Variants in ZBTB42 observed in about 807,000 individuals in gnomAD.
The protein encoded by ZBTB42 is zinc finger and BTB domain containing 42.
A neutral mutation model predicts 4.7 loss-of-function variants in ZBTB42; 3 were observed. The observed-to-expected ratio is 0.64, with a 90% CI of 0.29 to 1.66. ZBTB42 has a LOEUF of 1.66. Ranked by LOEUF, ZBTB42 falls within the 40% of genes most tolerant of loss-of-function variation. The probability of loss-of-function intolerance (pLI) is 0.10; values close to 1 mark genes in which losing one functional copy is unlikely to be tolerated. For synonymous variants in ZBTB42, 255 were observed against 259.5 expected (o/e 0.98, Z 0.17); for missense variants, 521 against 577.1 (o/e 0.90, Z 1.00).
chr14:104,802,319 C>G lies in ZBTB42; in HGVS notation c.1122C>G (p.Ser374=). The change falls in exon 1 of 1, where the codon TCC becomes TCG. Residue 374 remains serine, a synonymous_variant. Transcript: ENST00000342537. This position sits in a 1 kb window ranked among gnomAD's most constrained non-coding sequence, Gnocchi z 5.9. ...AGTGTGGCAAAAGTTTTCAGTACTC[C>G]CACAACCTGAGCCGGCACACCGTAG... ...CVQCGKSFQY[S]HNLSRHTVVH... 6.4e-7 allele frequency: 1 copy of G among 1,550,474 alleles called. No individual in the cohort carries two copies. The highest frequency in any genetic ancestry group is 8.7e-7 in the Non-Finnish European group (1 of 1,146,984).
chr14:104,802,167 C>G lies in ZBTB42; in HGVS notation c.970C>G (p.Arg324Gly). ...SAHFRERDST[R>G]ARLSPDGVAP... Reference sequence around the variant, plus strand: ...CCACTTCCGTGAGCGAGACAGCACCCGGGCCCGGCTCTCACCCGACGGCGT... The same window carrying G: ...CCACTTCCGTGAGCGAGACAGCACCGGGGCCCGGCTCTCACCCGACGGCGT... The change falls in exon 1 of 1, where the codon CGG becomes GGG. Residue 324 changes from arginine to glycine, a missense_variant. Transcript: ENST00000342537. This position sits in a 1 kb window ranked among gnomAD's most constrained non-coding sequence, Gnocchi z 5.9. 6.5e-7 allele frequency: 1 copy of G among 1,548,328 alleles called. No individual in the cohort carries two copies.
upstream of ZBTB42, chr14:104,800,724 G>C (rs1326799304): frequency 1.4e-5 from 2 of 145,970 alleles, no homozygotes; most frequent in Non-Finnish European, 3.0e-5. This position sits in a 1 kb window ranked among gnomAD's most constrained non-coding sequence, Gnocchi z 5.3. Context: ...GTGGGCTCCC[G>C]GCTCTGCCCG....
chr14:104,802,281 T>C lies in ZBTB42; in HGVS notation c.1084T>C (p.Tyr362His), dbSNP rs1043403750. The C allele has an allele frequency of 1.3e-6, 2 of 1,550,410 alleles. No individual in the cohort carries two copies. The highest frequency in any genetic ancestry group is 2.0e-5 in the Admixed American group (1 of 51,010). Residue 362 changes from tyrosine to histidine, a missense_variant, in exon 1 of 1, where the codon TAT becomes CAT. Coordinates refer to ENST00000342537, the MANE Select transcript of ZBTB42 (RefSeq NM_001137601.3). The surrounding 1 kb of genome is among the most constrained non-coding windows in gnomAD (Gnocchi z 5.9). ...GCGGACACACTCGGGTGAGAAGCCC[T>C]ATACGTGTGTGCAGTGTGGCAAAAG... Reference protein sequence around the residue: ...HERTHSGEKPYTCVQCGKSFQ... With the variant: ...HERTHSGEKPHTCVQCGKSFQ...
chr14:104,801,229 T>C lies in ZBTB42; in HGVS notation c.32T>C (p.Leu11Pro). MEFPEHGGRL[L>P]GRLRQQRELG... Reference sequence around the variant, plus strand: ...TTCCCTGAGCACGGCGGACGGCTGCTGGGCCGCCTGAGACAGCAGCGCGAG... The same window carrying C: ...TTCCCTGAGCACGGCGGACGGCTGCCGGGCCGCCTGAGACAGCAGCGCGAG... The change falls in exon 1 of 1, where the codon CTG becomes CCG. Residue 11 changes from leucine to proline, a missense_variant. Physicochemically the swap from Leu to Pro is moderately conservative, Grantham distance 98 (BLOSUM62 -3). Coordinates refer to ENST00000342537, the MANE Select transcript of ZBTB42 (RefSeq NM_001137601.3). The surrounding 1 kb of genome is among the most constrained non-coding windows in gnomAD (Gnocchi z 4.4). 1 of 1,463,592 alleles carries C rather than the reference T, an allele frequency of 6.8e-7. No homozygotes were observed. Among genetic ancestry groups the C allele is most frequent in the Non-Finnish European group, 9.0e-7 (1 of 1,110,774 alleles). The allele number at this position is 1,463,592 out of a possible 1,614,324, so 90.7% of individuals were successfully genotyped here. A position where few individuals can be genotyped will look rare whatever the true frequency, so the allele number is the denominator to read the frequency against.
chr14:104,801,702 C>T lies in ZBTB42; in HGVS notation c.505C>T (p.Pro169Ser). 6.5e-7 allele frequency: 1 copy of T among 1,550,222 alleles called. No individual in the cohort carries two copies. The highest frequency in any genetic ancestry group is 1.4e-5 in the African/African-American group (1 of 73,172). ...CCCGTTTGGGGTCAAGGCTGCCCTC[C>T]CTCCTCGAGCATCTGGGCCTCCTCC... ...LPPFGVKAAL[P>S]PRASGPPPCQ... The change falls in exon 1 of 1, where the codon CCT (proline) becomes TCT (serine). Residue 169 changes from proline to serine, a missense_variant. Pro to Ser is a moderately conservative substitution (Grantham distance 74). Coordinates refer to ENST00000342537, the MANE Select transcript of ZBTB42 (RefSeq NM_001137601.3). The surrounding 1 kb of genome is among the most constrained non-coding windows in gnomAD (Gnocchi z 4.4).
rs1894069143 is a variant in ZBTB42, at chr14:104,802,441, G to GC, written c.1246dup (p.Leu416ProfsTer15). On this transcript the variant is annotated frameshift_variant, in exon 1 of 1. Coordinates refer to ENST00000342537, the MANE Select transcript of ZBTB42 (RefSeq NM_001137601.3). LOFTEE classifies it high-confidence loss of function. This position sits in a 1 kb window ranked among gnomAD's most constrained non-coding sequence, Gnocchi z 5.9. ...CGCCACGTCCGCAAGTTTCACTGTGGCCTCGTCAAGTCCCTTCTGGTGTGA... is the reference window on the plus strand; with the variant it reads ...CGCCACGTCCGCAAGTTTCACTGTGGCCCTCGTCAAGTCCCTTCTGGTGTGA... 1.3e-6 allele frequency: 2 copies of GC among 1,550,910 alleles called. No homozygotes were observed. The highest frequency in any genetic ancestry group is 1.7e-6 in the Non-Finnish European group (2 of 1,147,118).
rs756663629 is a variant in ZBTB42, at chr14:104,801,434, A to G, written c.237A>G (p.Leu79=). The G allele has an allele frequency of 9.9e-5, 154 of 1,549,680 alleles. No homozygotes were observed. The highest frequency in any genetic ancestry group is 1.3e-4 in the Non-Finnish European group (144 of 1,146,722). ...DIVTAPAFGR[L]LDFMYEGRLD... ...TCACGGCGCCCGCCTTCGGCCGCCT[A>G]CTGGACTTCATGTACGAGGGCCGCC... The change falls in exon 1 of 1, where the codon CTA becomes CTG. Residue 79 remains leucine, a synonymous_variant. Transcript: ENST00000342537. This position sits in a 1 kb window ranked among gnomAD's most constrained non-coding sequence, Gnocchi z 4.4.
chr14:104,801,735 G>T lies in ZBTB42; in HGVS notation c.538G>T (p.Val180Phe). The change falls in exon 1 of 1, where the codon GTC (valine) becomes TTC (phenylalanine). Residue 180 changes from valine (V) to phenylalanine (F), a missense_variant. Val to Phe is a conservative substitution (Grantham distance 50). Transcript: ENST00000342537. The surrounding 1 kb of genome is among the most constrained non-coding windows in gnomAD (Gnocchi z 4.4). ...PRASGPPPCQ[V>F]PEESDQALDL... ...AGCATCTGGGCCTCCTCCCTGCCAG[G>T]TCCCAGAAGAGTCAGACCAGGCCCT... 3 of 1,550,062 alleles carry T rather than the reference G, an allele frequency of 1.9e-6. No individual in the cohort carries two copies. In the South Asian group the frequency reaches 3.6e-5, roughly 18 times the overall value.
rs765890714 is a variant in ZBTB42 at position 104,803,391 on chromosome 14, G to C, written c.*925G>C. The C allele has an allele frequency of 5.8e-4, 97 of 167,526 alleles. No individual in the cohort carries two copies. The highest frequency in any genetic ancestry group is 1.2e-3 in the Non-Finnish European group (81 of 68,734). 10.4% of individuals were successfully genotyped at this position (167,526 alleles called of 1,614,324 possible). ...CTGGGCCGCTGAGCTGTGTGCTGCTGCTGGGCCACCGTGGGCCTTACCTTG... is the reference window on the plus strand; with the variant it reads ...CTGGGCCGCTGAGCTGTGTGCTGCTCCTGGGCCACCGTGGGCCTTACCTTG... On this transcript the variant is annotated 3_prime_UTR_variant, in exon 1 of 1. Coordinates refer to ENST00000342537, the MANE Select transcript of ZBTB42 (RefSeq NM_001137601.3).
chr14:104,801,437 G>A lies in ZBTB42; in HGVS notation c.240G>A (p.Leu80=). The A allele has an allele frequency of 1.3e-6, 2 of 1,549,930 alleles. No individual in the cohort carries two copies. Among genetic ancestry groups the A allele is most frequent in the South Asian group, 2.4e-5 (2 of 84,054 alleles). Residue 80 remains leucine (L), a synonymous_variant, in exon 1 of 1, where the codon CTG becomes CTA. Coordinates refer to ENST00000342537, the MANE Select transcript of ZBTB42 (RefSeq NM_001137601.3). The surrounding 1 kb of genome is among the most constrained non-coding windows in gnomAD (Gnocchi z 4.4). ...IVTAPAFGRL[L]DFMYEGRLDL... is the part of the protein sequence containing the mutation. ...CGGCGCCCGCCTTCGGCCGCCTACT[G>A]GACTTCATGTACGAGGGCCGCCTGG...
In ZBTB42 at chr14:104,803,598, G is replaced by A. The variant is rs1342686417; in HGVS notation, c.*1132G>A. ...GGTTAGGGGCAGGTGAGGAGTGGGA[G>A]TCGCAGCACCCTAGGGGCCTCCATC... On this transcript the variant is annotated 3_prime_UTR_variant, in exon 1 of 1. Transcript: ENST00000342537. The A allele has an allele frequency of 6.0e-6, 1 of 166,932 alleles. No homozygotes were observed. The highest frequency in any genetic ancestry group is 2.4e-5 in the African/African-American group (1 of 41,462). 10.3% of individuals were successfully genotyped at this position (166,932 alleles called of 1,614,324 possible).
chr14:104,802,461 G>A lies in ZBTB42; in HGVS notation c.1264G>A (p.Val422Met). The stretch of plus-strand genomic sequence containing the variant: ...CTGTGGCCTCGTCAAGTCCCTTCTG[G>A]TGTGATGCATCCCTGTGGGTCCTGA... The part of the protein sequence containing the change: ...FHCGLVKSLL[V>M] The change falls in exon 1 of 1, where the codon GTG (valine) becomes ATG (methionine). Residue 422 changes from valine (V) to methionine (M), a missense_variant. Transcript: ENST00000342537. The surrounding 1 kb of genome is among the most constrained non-coding windows in gnomAD (Gnocchi z 5.9). The A allele has an allele frequency of 6.5e-7, 1 of 1,549,294 alleles. No homozygotes were observed. Among genetic ancestry groups the A allele is most frequent in the Non-Finnish European group, 8.7e-7 (1 of 1,146,090 alleles).
rs537042606 is a variant in ZBTB42 at position 104,801,803 on chromosome 14, C to A, written c.606C>A (p.His202Gln). ...LKSGPRQERV[H>Q]PPCVLQTPLC... ...CTGGCCCAAGGCAGGAGCGGGTCCACCCACCGTGCGTCCTCCAGACACCCC... is the reference window on the plus strand; with the variant it reads ...CTGGCCCAAGGCAGGAGCGGGTCCAACCACCGTGCGTCCTCCAGACACCCC... The change falls in exon 1 of 1, where the codon CAC (histidine) becomes CAA (glutamine). Residue 202 changes from histidine to glutamine, a missense_variant. Transcript: ENST00000342537. The surrounding 1 kb of genome is among the most constrained non-coding windows in gnomAD (Gnocchi z 4.4). 1.5e-5 allele frequency: 23 copies of A among 1,549,920 alleles called. No individual in the cohort carries two copies. In the South Asian group the frequency reaches 1.7e-4, roughly 11 times the overall value.
In ZBTB42 at chr14:104,801,669, A is replaced by G; in HGVS notation, c.472A>G (p.Lys158Glu). The G allele has an allele frequency of 1.9e-6, 3 of 1,550,242 alleles. No individual in the cohort carries two copies. Among genetic ancestry groups the G allele is most frequent in the Non-Finnish European group, 8.7e-7 (1 of 1,146,912 alleles). The change falls in exon 1 of 1, where the codon AAG becomes GAG. Residue 158 changes from lysine to glutamate, a missense_variant. Lys to Glu is a moderately conservative substitution (Grantham distance 56). Coordinates refer to ENST00000342537, the MANE Select transcript of ZBTB42 (RefSeq NM_001137601.3). The surrounding 1 kb of genome is among the most constrained non-coding windows in gnomAD (Gnocchi z 4.4). ...CCTCTGCCCAGCTGCCCGAAAGGCC[A>G]AGCTCCCCCCGTTTGGGGTCAAGGC... ...ADLCPAARKA[K>E]LPPFGVKAAL...
chr14:104,801,909 A>C lies in ZBTB42; in HGVS notation c.712A>C (p.Ser238Arg). ...ACTGTCCGAACAGGAGGAGAGCAGC[A>C]GCTCTAGGAGCCCCCACAGTCCCCC... ...DSLSEQEESS[S>R]SRSPHSPPKP... is the part of the protein sequence containing the mutation. Residue 238 changes from serine to arginine, a missense_variant, in exon 1 of 1, where the codon AGC becomes CGC. Coordinates refer to ENST00000342537, the MANE Select transcript of ZBTB42 (RefSeq NM_001137601.3). The surrounding 1 kb of genome is among the most constrained non-coding windows in gnomAD (Gnocchi z 4.4). 1 of 1,545,038 alleles carries C rather than the reference A, an allele frequency of 6.5e-7. No individual in the cohort carries two copies. Among genetic ancestry groups the C allele is most frequent in the Non-Finnish European group, 8.7e-7 (1 of 1,146,008 alleles).
Position 104,801,281 on chromosome 14 carries a change from G to A in ZBTB42, c.84G>A (p.Val28=). ...TGGGCTTCCTATGCGACTGCACCGT[G>A]CTGGTGGGCGACGCGCGCTTCCCGG... The part of the protein sequence containing the change: ...RELGFLCDCT[V]LVGDARFPAH... The change falls in exon 1 of 1, where the codon GTG becomes GTA. Residue 28 remains valine, a synonymous_variant. Coordinates refer to ENST00000342537, the MANE Select transcript of ZBTB42 (RefSeq NM_001137601.3). The surrounding 1 kb of genome is among the most constrained non-coding windows in gnomAD (Gnocchi z 4.4). 1 of 1,541,814 alleles carries A rather than the reference G, an allele frequency of 6.5e-7. No homozygotes were observed. Among genetic ancestry groups the A allele is most frequent in the Non-Finnish European group, 8.7e-7 (1 of 1,144,796 alleles).
Position 104,803,064 on chromosome 14 carries a change from C to G in ZBTB42, c.*598C>G, listed in dbSNP as rs1435189914. The G allele has an allele frequency of 2.9e-5, 1 of 34,166 alleles. No individual in the cohort carries two copies. The allele number at this position is 34,166 out of a possible 1,614,324, so 2.1% of individuals were successfully genotyped here. A position where few individuals can be genotyped will look rare whatever the true frequency, so the allele number is the denominator to read the frequency against. ...GGGGCCATCTGGGCACAGCTGGTGT[C>G]TCGGGGTGGGGGGGGGGGTGCAGCC... is the stretch of plus-strand genomic sequence containing the variant. On this transcript the variant is annotated 3_prime_UTR_variant, in exon 1 of 1. Coordinates refer to ENST00000342537, the MANE Select transcript of ZBTB42 (RefSeq NM_001137601.3).
rs1555386337 is a variant in ZBTB42 at position 104,803,071 on chromosome 14, T to TCGGG, written c.*605_*606insCGGG. On this transcript the variant is annotated 3_prime_UTR_variant, in exon 1 of 1. Coordinates refer to ENST00000342537, the MANE Select transcript of ZBTB42 (RefSeq NM_001137601.3). ...TCTGGGCACAGCTGGTGTCTCGGGGTGGGGGGGGGGGTGCAGCCCCAGCAG... is the reference window on the plus strand; with the variant it reads ...TCTGGGCACAGCTGGTGTCTCGGGGTCGGGGGGGGGGGGGGTGCAGCCCCAGCAG... 4 of 77,802 alleles carry TCGGG rather than the reference T, an allele frequency of 5.1e-5. No individual in the cohort carries two copies. Among genetic ancestry groups the TCGGG allele is most frequent in the African/African-American group, 6.3e-5 (1 of 15,816 alleles). The allele number at this position is 77,802 out of a possible 1,614,324, so 4.8% of individuals were successfully genotyped here.
rs1022892503 is a variant in ZBTB42, at chr14:104,801,368, C to A, written c.171C>A (p.Pro57=). ...TCCATCTCTTCTACAGGGACCGGCC[C>A]GCGGGCAGTCGCGACACGGTGCGGC... ...VYFHLFYRDR[P]AGSRDTVRLN... is the part of the protein sequence containing the mutation. The change falls in exon 1 of 1, where the codon CCC becomes CCA. Residue 57 remains proline (P), a synonymous_variant. Coordinates refer to ENST00000342537, the MANE Select transcript of ZBTB42 (RefSeq NM_001137601.3). The surrounding 1 kb of genome is among the most constrained non-coding windows in gnomAD (Gnocchi z 4.4). The A allele has an allele frequency of 6.5e-7, 1 of 1,547,012 alleles. No homozygotes were observed. Among genetic ancestry groups the A allele is most frequent in the Non-Finnish European group, 8.7e-7 (1 of 1,145,196 alleles).
Sources: allele counts gnomAD v4.1 joint callset, GRCh38; gene constraint gnomAD v4.1.1; non-coding constraint Gnocchi (gnomAD v3.1); transcripts MANE v1.5; gene names NCBI Gene and HGNC (gene_info 2026-07-23, HGNC 2026-07-21).